Variants in TMEM245 observed in about 807,000 individuals in gnomAD.
The protein encoded by TMEM245 is transmembrane protein 245, also known as protein CG-2.
A neutral mutation model predicts 101.2 loss-of-function variants in TMEM245; 69 were observed. The observed-to-expected ratio is 0.68, with a 90% confidence interval of 0.56 to 0.83. The LOEUF (loss-of-function observed/expected upper bound fraction) is 0.83, where lower values mean the gene tolerates loss of function less well. Among genes scored for constraint, TMEM245 ranks in the 40% least tolerant of loss-of-function variants. TMEM245 has a pLI of 0.00. For synonymous variants in TMEM245, 537 were observed against 449.8 expected (o/e 1.19, Z -2.45); for missense variants, 1,075 against 1,092.8 (o/e 0.98, Z 0.23).
At chr9:109,050,785 C>T (rs1828654217) in intron 12 of TMEM245, 93 bp from the exon 13 acceptor site, 1 of 1,352,930 alleles carries the variant, frequency 7.4e-7, no homozygotes, top group Non-Finnish European at 1.0e-6. Context: ...TGTTTTAGTA[C>T]CATGAACTGA....
In TMEM245 at chr9:109,087,398, C is replaced by T. The variant is rs764143593; in HGVS notation, c.1151-56G>A. 2.1e-6 allele frequency: 3 copies of T among 1,456,050 alleles called. No individual in the cohort carries two copies. In the Admixed American group the frequency reaches 7.2e-5, roughly 35 times the overall value. 90.2% of individuals were successfully genotyped at this position (1,456,050 alleles called of 1,614,324 possible). A position where few individuals can be genotyped will look rare whatever the true frequency, so the allele number is the denominator to read the frequency against. ...CAAAATATAGATTAACAAGTTGTAACATGAAAAGGTACCTTAATTTCACAA... is the reference window on the plus strand; with the variant it reads ...CAAAATATAGATTAACAAGTTGTAATATGAAAAGGTACCTTAATTTCACAA... On this transcript the variant is annotated intron_variant, in intron 5 of 17. Transcript: ENST00000374586.
rs749720594 is a variant in TMEM245 at position 109,087,208 on chromosome 9, C to T, written c.1285G>A (p.Gly429Arg). The change falls in exon 6 of 18, where the codon GGG (glycine) becomes AGG (arginine). Residue 429 changes from glycine to arginine, a missense_variant. Gly to Arg is a moderately radical substitution (Grantham distance 125). This residue lies in a region of TMEM245 where 808 missense variants were observed against 741.5 expected (regional missense o/e 1.09). Coordinates refer to ENST00000374586, the MANE Select transcript of TMEM245 (RefSeq NM_032012.4). ...ACTTTTAACAAGAATTTTCCAAGCCCGACAATGGGCCAAGGCGCGAGAGCT... is the reference window on the plus strand; with the variant it reads ...ACTTTTAACAAGAATTTTCCAAGCCTGACAATGGGCCAAGGCGCGAGAGCT... Reference protein sequence around the residue: ...QGALAPWPIVGLGKFLLKVDS... With the variant: ...QGALAPWPIVRLGKFLLKVDS... 4.3e-6 allele frequency: 7 copies of T among 1,611,498 alleles called. No individual in the cohort carries two copies. The highest frequency in any genetic ancestry group is 2.7e-5 in the African/African-American group (2 of 74,736).
chr9:109,071,391 T>C (rs1016856760), intron 9 of TMEM245, among the ~76,000 whole-genome samples: 1 of 151,918 alleles, frequency 6.6e-6, no homozygotes, highest in African/African-American at 2.4e-5. Flanking sequence ...GGAAGATCAC[T>C]TGAGCCCAGG....
intron 17 of TMEM245, among the ~76,000 whole-genome samples, chr9:109,023,936 G>A (rs912837015): frequency 6.6e-6 from 1 of 151,724 alleles, no homozygotes; most frequent in African/African-American, 2.4e-5. Flanking sequence ...CCTCCTTTCA[G>A]AGCAACAGGG....
At chr9:109,039,070 T>C (rs1330746044) in intron 14 of TMEM245, 2 of 152,182 alleles carry the variant, frequency 1.3e-5, no homozygotes, top group South Asian at 2.1e-4. Context: ...AAACGTGACC[T>C]TGTACATGCA....
chr9:109,046,892 A>T (rs1201314314), intron 14 of TMEM245, among the ~76,000 whole-genome samples: 2 of 152,256 alleles, frequency 1.3e-5, no homozygotes, highest in African/African-American at 4.8e-5. Flanking sequence ...TAGAAAGAGA[A>T]CTCACTACCA....
chr9:109,041,115 TCA>T (rs1828288045), intron 14 of TMEM245, among the ~76,000 whole-genome samples: 2 of 152,304 alleles, frequency 1.3e-5, no homozygotes, highest in Admixed American at 1.3e-4. Flanking sequence ...AGGTTAAACC[TCA>T]CAGTTTCATG....
chr9:109,036,338 T>C lies in TMEM245; in HGVS notation c.2267A>G (p.Tyr756Cys). Reference protein sequence around the residue: ...ILGAVPFLGTYWAAVPAVLDL... With the variant: ...ILGAVPFLGTCWAAVPAVLDL... ...AAGAACTGCAGGTACTGCTGCCCAGTATGTCCCCAGGAATGGCACTGCTCC... is the reference window on the plus strand; with the variant it reads ...AAGAACTGCAGGTACTGCTGCCCAGCATGTCCCCAGGAATGGCACTGCTCC... Residue 756 changes from tyrosine (Y) to cysteine (C), a missense_variant, in exon 16 of 18, where the codon TAC becomes TGC. By Grantham distance (194) the Tyr-to-Cys change is radical (BLOSUM62 -2). This residue lies in a region of TMEM245 where 267 missense variants were observed against 351.3 expected (regional missense o/e 0.76). Coordinates refer to ENST00000374586, the MANE Select transcript of TMEM245 (RefSeq NM_032012.4). 1 of 1,613,164 alleles carries C rather than the reference T, an allele frequency of 6.2e-7. No individual in the cohort carries two copies. The highest frequency in any genetic ancestry group is 8.5e-7 in the Non-Finnish European group (1 of 1,179,806).
intron 9 of TMEM245, among the ~76,000 whole-genome samples, chr9:109,068,430 C>A (rs1413072117): frequency 6.8e-6 from 1 of 147,648 alleles, no homozygotes; most frequent in African/African-American, 2.5e-5. Flanking sequence ...CACTTGAGGT[C>A]AGGAGTTCAA....
intron 8 of TMEM245, among the ~76,000 whole-genome samples, chr9:109,076,613 A>T (rs1337144348): frequency 6.6e-6 from 1 of 152,224 alleles, no homozygotes; most frequent in East Asian, 1.9e-4. Flanking sequence ...CCAAAAAAAA[A>T]GTATGTTGCT....
intron 11 of TMEM245, among the ~76,000 whole-genome samples, chr9:109,057,885 A>G (rs1828887370): frequency 7.1e-6 from 1 of 141,274 alleles, no homozygotes; most frequent in Admixed American, 7.1e-5. Flanking sequence ...AAGACATCTT[A>G]TTTCTCAGTA....
intron 7 of TMEM245, among the ~76,000 whole-genome samples, chr9:109,085,159 GCAATGGTGCAATTATTGCT>G (rs1285102779): frequency 1.3e-5 from 2 of 152,168 alleles, no homozygotes; most frequent in Admixed American, 6.5e-5. Context: ...AGGCTGGAGT[GCAATGGTGCAATTATTGCT>G]CACTACAACC....
At chr9:109,043,700 T>A (rs1828387141) in intron 14 of TMEM245, among the ~76,000 whole-genome samples, 1 of 152,178 alleles carries the variant, frequency 6.6e-6, no homozygotes, top group Non-Finnish European at 1.5e-5. Flanking sequence ...CACCAGCCAC[T>A]GAGCTAGAGG....
intron 1 of TMEM245, among the ~76,000 whole-genome samples, chr9:109,118,468 T>C (rs183985828): frequency 2.6e-5 from 4 of 152,258 alleles, no homozygotes; most frequent in African/African-American, 9.6e-5. Flanking sequence ...CAGTTAAATA[T>C]GTGGATAATT....
intron 7 of TMEM245, 143 bp from the exon 8 acceptor site, chr9:109,081,086 A>G: frequency 1.7e-6 from 1 of 597,496 alleles, no homozygotes. Flanking sequence ...TAAAAGCTTT[A>G]AGCAACTTTA....
At position 109,091,001 on chromosome 9, in the gene TMEM245, C is replaced by A. The variant is rs761937077; in HGVS notation, c.1071G>T (p.Val357=). 1 of 1,614,154 alleles carries A rather than the reference C, an allele frequency of 6.2e-7. No individual in the cohort carries two copies. The highest frequency in any genetic ancestry group is 1.1e-5 in the South Asian group (1 of 91,074). The change falls in exon 5 of 18, where the codon GTG becomes GTT. Residue 357 remains valine (V), a synonymous_variant. Coordinates refer to ENST00000374586, the MANE Select transcript of TMEM245 (RefSeq NM_032012.4). ...TGACGACAATGGCCCAAACTAGAGA[C>A]ACAAAGTAGATGTCACTAGTTTTCT... ...RKKKTSDIYF[V]SLVWAIVVMQ...
chr9:109,095,141 C>T (rs919455180), intron 3 of TMEM245, among the ~76,000 whole-genome samples: 1 of 152,176 alleles, frequency 6.6e-6, no homozygotes, highest in African/African-American at 2.4e-5. Context: ...AATTCAAACT[C>T]ATGGTCTGAG....
chr9:109,066,478 A>AAT (rs869275234), intron 9 of TMEM245, among the ~76,000 whole-genome samples: 30 of 147,640 alleles, frequency 2.0e-4, no homozygotes, highest in Non-Finnish European at 3.6e-4. Flanking sequence ...AAAAAAAAAA[A>AAT]TTTCTCAGCA....
rs1436220382 is a variant in TMEM245, at chr9:109,017,235, C to T, written c.*3225G>A. 3 of 152,228 alleles carry T rather than the reference C, an allele frequency of 2.0e-5. No homozygotes were observed. Among genetic ancestry groups the T allele is most frequent in the Non-Finnish European group, 4.4e-5 (3 of 68,036 alleles). The allele number at this position is 152,228 out of a possible 1,614,324, so 9.4% of individuals were successfully genotyped here. ...TTTCAAAGGCTACAGAGTTTGTTTACATACAAGGTCTCCATGTAACATGTT... is the reference window on the plus strand; with the variant it reads ...TTTCAAAGGCTACAGAGTTTGTTTATATACAAGGTCTCCATGTAACATGTT... On this transcript the variant is annotated 3_prime_UTR_variant, in exon 18 of 18. Transcript: ENST00000374586.
Sources: allele counts gnomAD v4.1 joint callset (sites outside exome capture counted in the v4.1 genomes callset), GRCh38; gene constraint gnomAD v4.1.1; regional missense constraint gnomAD v4.1.1; transcripts MANE v1.5; gene names NCBI Gene and HGNC (gene_info 2026-07-23, HGNC 2026-07-21).